Variants in TDRD10 observed in about 807,000 individuals in gnomAD.
The protein encoded by TDRD10 is tudor domain-containing protein 10.
A neutral mutation model predicts 48.0 loss-of-function variants in TDRD10; 40 were observed. That is an observed-to-expected ratio of 0.83 (90% confidence interval 0.65 to 1.09). The LOEUF (loss-of-function observed/expected upper bound fraction) is 1.09, where lower values mean the gene tolerates loss of function less well. TDRD10 is among the 50% of genes least tolerant of loss of function. The pLI is 0.00. For synonymous variants in TDRD10, 162 were observed against 170.4 expected (o/e 0.95, Z 0.38); for missense variants, 378 against 434.7 (o/e 0.87, Z 1.16).
At chr1:154,545,472 G>A (rs1695497627) in intron 11 of TDRD10, among the ~76,000 whole-genome samples, 1 of 152,212 alleles carries the variant, frequency 6.6e-6, no homozygotes, top group Non-Finnish European at 1.5e-5. Context: ...TAGGTGAAAT[G>A]TAAAAGGATG....
In TDRD10 at chr1:154,547,494, A is replaced by G; in HGVS notation, c.1023+15A>G. 1 of 1,614,224 alleles carries G rather than the reference A, an allele frequency of 6.2e-7. No individual in the cohort carries two copies. The highest frequency in any genetic ancestry group is 8.5e-7 in the Non-Finnish European group (1 of 1,180,038). Reference sequence around the variant, plus strand: ...TGAACTCGGCGGTAACTGCTCCTGCATCTAACTTGGCTGTTGTCCCTCCAC... The same window carrying G: ...TGAACTCGGCGGTAACTGCTCCTGCGTCTAACTTGGCTGTTGTCCCTCCAC... On this transcript the variant is annotated intron_variant, in intron 12 of 12. Transcript: ENST00000368482.
Position 154,530,432 on chromosome 1 carries a change from AT to A in TDRD10, c.369+8963del, listed in dbSNP as rs996111436. Among the ~76,000 whole-genome samples the A allele has an allele frequency of 3.5e-3, 487 of 137,476 alleles. 2 individuals carry two copies. The highest frequency in any genetic ancestry group is 0.013 in the African/African-American group (464 of 35,748). 90.2% of individuals were successfully genotyped at this position (137,476 alleles called of 152,430 possible). On this transcript the variant is annotated intron_variant, in intron 6 of 12. Transcript: ENST00000368482. ...TTTTTTTTTAAGTTTTTTTCATTAA[AT>A]TTTTTTTTTCTTTTGAAACAGAGGT... is the stretch of plus-strand genomic sequence containing the variant.
intron 4 of TDRD10, among the ~76,000 whole-genome samples, chr1:154,518,213 T>C (rs1482243671): frequency 6.6e-6 from 1 of 152,220 alleles, no homozygotes; most frequent in East Asian, 1.9e-4. Context: ...TTTCATGATA[T>C]TTATAGTAGA....
At chr1:154,517,624 G>C (rs1049610687) in intron 4 of TDRD10, among the ~76,000 whole-genome samples, 2 of 152,084 alleles carry the variant, frequency 1.3e-5, no homozygotes. Context: ...GTTTCACCAT[G>C]TTGGTCAGGC....
At position 154,505,573 on chromosome 1, in the gene TDRD10, A is replaced by G. The variant is rs1424422908; in HGVS notation, c.-27-1304A>G. Among the ~76,000 whole-genome samples, 5 of 152,308 alleles carry G rather than the reference A, an allele frequency of 3.3e-5. No homozygotes were observed. In the East Asian group the frequency reaches 7.7e-4, roughly 23 times the overall value. On this transcript the variant is annotated intron_variant, in intron 1 of 12. Transcript: ENST00000368482. Reference sequence around the variant, plus strand: ...ATTTAGAGAAAAGAGTTACTGTTTTATTTTAAAATTTAATGTTTTAATTTA... The same window carrying G: ...ATTTAGAGAAAAGAGTTACTGTTTTGTTTTAAAATTTAATGTTTTAATTTA...
intron 6 of TDRD10, among the ~76,000 whole-genome samples, chr1:154,532,762 G>C (rs1694704758): frequency 6.6e-6 from 1 of 152,190 alleles, no homozygotes; most frequent in Non-Finnish European, 1.5e-5. Flanking sequence ...GTTTTAACTG[G>C]CTTCCTCTGA....
Position 154,512,015 on chromosome 1 carries a change from G to A in TDRD10, c.141+3534G>A, listed in dbSNP as rs559568785. ...ACTGCACTCCAGCCTGGGTGACAGA[G>A]TGAAACTGTGTCTGAAAAAAAAAAA... On this transcript the variant is annotated intron_variant, in intron 4 of 12. Transcript: ENST00000368482. Among the ~76,000 whole-genome samples, 27 of 140,896 alleles carry A rather than the reference G, an allele frequency of 1.9e-4. No homozygotes were observed. In the South Asian group the frequency reaches 6.3e-3, roughly 33 times the overall value. The allele number at this position is 140,896 out of a possible 152,430, so 92.4% of individuals were successfully genotyped here. A position where few individuals can be genotyped will look rare whatever the true frequency, so the allele number is the denominator to read the frequency against.
intron 11 of TDRD10, among the ~76,000 whole-genome samples, chr1:154,545,478 G>A (rs2149356553): frequency 6.6e-6 from 1 of 152,316 alleles, no homozygotes; most frequent in South Asian, 2.1e-4. Flanking sequence ...AAATGTAAAA[G>A]GATGAAAGAA....
chr1:154,505,596 TTA>T lies in TDRD10; in HGVS notation c.-27-1279_-27-1278del, dbSNP rs550207196. Among the ~76,000 whole-genome samples the T allele has an allele frequency of 1.5e-3, 236 of 152,332 alleles. 1 individual carries two copies. Among genetic ancestry groups the T allele is most frequent in the African/African-American group, 4.9e-3 (205 of 41,578 alleles). ...TTATTTTAAAATTTAATGTTTTAATTTATGTTTTCCCTAAAGTACAGGAAAAA... is the reference window on the plus strand; with the variant it reads ...TTATTTTAAAATTTAATGTTTTAATTTGTTTTCCCTAAAGTACAGGAAAAA... On this transcript the variant is annotated intron_variant, in intron 1 of 12. Transcript: ENST00000368482.
In TDRD10 at chr1:154,547,881, G is replaced by A. The variant is rs909095758; in HGVS notation, c.*171G>A. Reference sequence around the variant, plus strand: ...CTCCCAGCTTCCCTCTCAAAAGAGAGTGAAGTCTCATTTGTCATGTGTCTT... The same window carrying A: ...CTCCCAGCTTCCCTCTCAAAAGAGAATGAAGTCTCATTTGTCATGTGTCTT... On this transcript the variant is annotated 3_prime_UTR_variant, in exon 13 of 13. Coordinates refer to ENST00000368482, the MANE Select transcript of TDRD10 (RefSeq NM_182499.4). 2 of 714,690 alleles carry A rather than the reference G, an allele frequency of 2.8e-6. No individual in the cohort carries two copies. Among genetic ancestry groups the A allele is most frequent in the Non-Finnish European group, 4.7e-6 (2 of 427,662 alleles). 44.3% of individuals were successfully genotyped at this position (714,690 alleles called of 1,614,324 possible).
At chr1:154,540,206 C>T (rs1695145547) in intron 6 of TDRD10, among the ~76,000 whole-genome samples, 1 of 152,170 alleles carries the variant, frequency 6.6e-6, no homozygotes, top group Admixed American at 6.5e-5. Context: ...TCCCTGTTTG[C>T]TGTCACTGTT....
intron 4 of TDRD10, among the ~76,000 whole-genome samples, chr1:154,515,905 C>T (rs986231237): frequency 7.2e-5 from 11 of 151,976 alleles, no homozygotes; most frequent in Non-Finnish European, 7.4e-5. Context: ...TTAGTAGAGG[C>T]GGGGTTTCAC....
At chr1:154,517,565 G>C (rs899284374) in intron 4 of TDRD10, among the ~76,000 whole-genome samples, 7 of 151,956 alleles carry the variant, frequency 4.6e-5, no homozygotes, top group African/African-American at 1.7e-4. Flanking sequence ...TGGGATTACA[G>C]GCATCCGCCA....
rs529689143 is a variant in TDRD10, at chr1:154,507,901, C to T, written c.83-522C>T. 2.0e-5 allele frequency among the ~76,000 whole-genome samples: 3 copies of T among 152,342 alleles called. No individual in the cohort carries two copies. The South Asian group carries it at 6.2e-4, about 32-fold the overall frequency. On this transcript the variant is annotated intron_variant, in intron 3 of 12. Coordinates refer to ENST00000368482, the MANE Select transcript of TDRD10 (RefSeq NM_182499.4). ...TGCCTGGATTCCCTTCAGCCTCCCT[C>T]CTGCATTCCCCTGGGCCCCTGCGTG... is the stretch of plus-strand genomic sequence containing the variant.
rs1410763392 is a variant in TDRD10 at position 154,542,066 on chromosome 1, G to A, written c.412G>A (p.Ala138Thr). The A allele has an allele frequency of 3.1e-6, 5 of 1,613,772 alleles. No individual in the cohort carries two copies. The highest frequency in any genetic ancestry group is 4.2e-6 in the Non-Finnish European group (5 of 1,179,898). ...ASGEGFGKTA[A>T]IIQLAPKAPV... ...TGGTGAAGGATTTGGCAAAACCGCC[G>A]GTGAGATTCTGCGCTGCCATCCTTT... Residue 138 changes from alanine (A) to threonine (T), a missense_variant and splice_region_variant, in exon 7 of 13, where the codon GCT (alanine) becomes ACT (threonine). By Grantham distance (58) the Ala-to-Thr change is moderately conservative (BLOSUM62 0). Coordinates refer to ENST00000368482, the MANE Select transcript of TDRD10 (RefSeq NM_182499.4).
At chr1:154,536,940 C>G (rs547715304) in intron 6 of TDRD10, among the ~76,000 whole-genome samples, 1 of 152,334 alleles carries the variant, frequency 6.6e-6, no homozygotes, top group Admixed American at 6.5e-5. Flanking sequence ...TTAGAACCCA[C>G]TGGAGGAGGC....
intron 6 of TDRD10, among the ~76,000 whole-genome samples, chr1:154,532,973 C>A (rs1055050845): frequency 2.0e-5 from 3 of 151,884 alleles, no homozygotes; most frequent in African/African-American, 4.8e-5. Context: ...TTCTGACACC[C>A]CCCCCAGTAG....
intron 6 of TDRD10, among the ~76,000 whole-genome samples, chr1:154,538,071 T>C (rs1010621462): frequency 3.3e-5 from 5 of 152,184 alleles, no homozygotes; most frequent in African/African-American, 9.7e-5. Flanking sequence ...TGGATGATAA[T>C]TATGTAGATT....
chr1:154,522,658 A>G (rs1240861512), intron 6 of TDRD10, among the ~76,000 whole-genome samples: 2 of 150,148 alleles, frequency 1.3e-5, no homozygotes, highest in African/African-American at 2.4e-5. Flanking sequence ...GGAAAAAAAA[A>G]GATTGTCAGA....
Sources: gnomAD v4.1 joint callset for allele counts (sites outside exome capture counted in the v4.1 genomes callset) on GRCh38, gnomAD v4.1.1 for gene constraint, MANE v1.5 for transcripts, NCBI Gene and HGNC (gene_info 2026-07-23, HGNC 2026-07-21) for gene names.